ASTN2: variants seen among roughly 807,000 people sequenced by gnomAD.
ASTN2 encodes the protein astrotactin-2.
In ASTN2, 54 loss-of-function variants were observed where a neutral mutation model predicts 139.8. That is an observed-to-expected ratio of 0.39 (90% confidence interval 0.31 to 0.48). The LOEUF (loss-of-function observed/expected upper bound fraction) is 0.48, where lower values mean the gene tolerates loss of function less well. ASTN2 is among the 20% of genes least tolerant of loss of function. ASTN2 has a pLI of 0.95. For synonymous variants in ASTN2, 756 were observed against 719.5 expected (o/e 1.05, Z -0.81); for missense variants, 1,565 against 1,725.1 (o/e 0.91, Z 1.64).
intron 1 of ASTN2, among the ~76,000 whole-genome samples, chr9:117,353,811 A>C (rs1173924409): frequency 6.6e-6 from 1 of 152,198 alleles, no homozygotes; most frequent in Non-Finnish European, 1.5e-5. Flanking sequence ...AAAAGGCCAC[A>C]CACTCTATGC....
At chr9:117,336,402 G>A (rs1340191650) in intron 1 of ASTN2, among the ~76,000 whole-genome samples, 1 of 152,122 alleles carries the variant, frequency 6.6e-6, no homozygotes, top group Non-Finnish European at 1.5e-5. Flanking sequence ...GTGAAAAGGG[G>A]AAGTCAGGGC....
chr9:117,042,238 C>A (rs59628576), intron 5 of ASTN2, among the ~76,000 whole-genome samples: 2,700 of 152,306 alleles, frequency 0.018, 77 homozygotes, highest in African/African-American at 0.061. Flanking sequence ...AGAACCGTTA[C>A]AACAGCCCGT....
At chr9:116,896,197 G>A (rs141095558) in intron 10 of ASTN2, among the ~76,000 whole-genome samples, 112 of 152,314 alleles carry the variant, frequency 7.4e-4, no homozygotes, top group Admixed American at 1.4e-3. Context: ...GTTGATTTGG[G>A]AGGTGATTCC....
chr9:116,886,519 G>A (rs1022219738), intron 10 of ASTN2, among the ~76,000 whole-genome samples: 1 of 141,128 alleles, frequency 7.1e-6, no homozygotes, highest in Non-Finnish European at 1.5e-5. Context: ...CTACAGGCAT[G>A]TGCCACTACA....
intron 10 of ASTN2, among the ~76,000 whole-genome samples, chr9:116,903,645 T>A (rs1834078014): frequency 6.6e-6 from 1 of 152,188 alleles, no homozygotes; most frequent in Non-Finnish European, 1.5e-5. Context: ...ATATGAGACA[T>A]ACTCTCTCTC....
chr9:116,874,452 G>A (rs560429135), intron 10 of ASTN2, among the ~76,000 whole-genome samples: 1 of 152,270 alleles, frequency 6.6e-6, no homozygotes, highest in South Asian at 2.1e-4. Context: ...TGAAGGAAGA[G>A]AAGAAGGGCA....
chr9:116,514,396 T>C (rs2119203418), intron 19 of ASTN2, among the ~76,000 whole-genome samples: 1 of 151,950 alleles, frequency 6.6e-6, no homozygotes, highest in South Asian at 2.1e-4. Context: ...CTGTGTGAGG[T>C]GTCAGTCTGC....
intron 4 of ASTN2, among the ~76,000 whole-genome samples, chr9:117,134,287 TATATATATACACAC>T (rs1456003522): frequency 7.1e-3 from 583 of 81,970 alleles, no homozygotes; most frequent in Admixed American, 9.3e-3. Flanking sequence ...TATATATATA[TATATATATACACAC>T]ACACACACAC....
At chr9:116,640,411 C>T (rs568693947) in intron 17 of ASTN2, among the ~76,000 whole-genome samples, 1 of 151,932 alleles carries the variant, frequency 6.6e-6, no homozygotes, top group East Asian at 1.9e-4. Flanking sequence ...GACAAAGAGA[C>T]CCAAGAAAGT....
At chr9:116,825,989 G>A (rs1248530887) in intron 11 of ASTN2, among the ~76,000 whole-genome samples, 1 of 152,212 alleles carries the variant, frequency 6.6e-6, no homozygotes, top group African/African-American at 2.4e-5. Flanking sequence ...TTACTGCCCT[G>A]CTGCAGGCTG....
At chr9:116,769,017 A>G (rs1031143205) in intron 13 of ASTN2, among the ~76,000 whole-genome samples, 1 of 152,198 alleles carries the variant, frequency 6.6e-6, no homozygotes, top group Non-Finnish European at 1.5e-5. Context: ...ACCTTACTTT[A>G]CTATAAAGAA....
intron 11 of ASTN2, among the ~76,000 whole-genome samples, chr9:116,823,379 T>C (rs1831540902): frequency 6.6e-6 from 1 of 152,162 alleles, no homozygotes; most frequent in Admixed American, 6.5e-5. Context: ...GACTGATCTC[T>C]AGTTTTAAGA....
chr9:116,854,366 A>C (rs989456833), intron 11 of ASTN2, among the ~76,000 whole-genome samples: 1 of 152,196 alleles, frequency 6.6e-6, no homozygotes, highest in African/African-American at 2.4e-5. Context: ...GGCAGGCATA[A>C]GTAGTATTAT....
At chr9:117,111,359 G>C (rs1829243868) in intron 4 of ASTN2, among the ~76,000 whole-genome samples, 1 of 151,764 alleles carries the variant, frequency 6.6e-6, no homozygotes. Flanking sequence ...AAAAATGTGA[G>C]GACTATTGGC....
At chr9:116,709,586 A>G (rs566045169) in intron 16 of ASTN2, among the ~76,000 whole-genome samples, 5 of 152,298 alleles carry the variant, frequency 3.3e-5, no homozygotes, top group African/African-American at 1.2e-4. Context: ...TCCAGCCAAT[A>G]GCAGCAAAAA....
intron 2 of ASTN2, among the ~76,000 whole-genome samples, chr9:117,275,498 C>G (rs1834163991): frequency 6.6e-6 from 1 of 151,982 alleles, no homozygotes; most frequent in Non-Finnish European, 1.5e-5. Flanking sequence ...CACCGTCTTG[C>G]CCTGTCTTCC....
chr9:117,223,246 C>T (rs1832587654), intron 2 of ASTN2, among the ~76,000 whole-genome samples: 1 of 151,744 alleles, frequency 6.6e-6, no homozygotes, highest in South Asian at 2.1e-4. Flanking sequence ...AATTTTGCCC[C>T]CCAAGAGGCA....
chr9:116,571,271 T>C (rs1475975064), intron 19 of ASTN2, among the ~76,000 whole-genome samples: 1 of 152,182 alleles, frequency 6.6e-6, no homozygotes, highest in African/African-American at 2.4e-5. Context: ...GAAATCACCT[T>C]GTTCTTTGCT....
intron 4 of ASTN2, among the ~76,000 whole-genome samples, chr9:117,114,821 C>A (rs999355252): frequency 2.0e-5 from 3 of 152,134 alleles, no homozygotes; most frequent in Non-Finnish European, 4.4e-5. Context: ...CAGTCACTAT[C>A]CAAGAAACCT....
Sources: allele counts gnomAD v4.1 joint callset (sites outside exome capture counted in the v4.1 genomes callset), GRCh38; gene constraint gnomAD v4.1.1; transcripts MANE v1.5; gene names NCBI Gene and HGNC (gene_info 2026-07-23, HGNC 2026-07-21).